The following MXRA7 variants were observed in gnomAD, a reference collection of about 807,000 sequenced individuals.
The protein encoded by MXRA7 is matrix-remodeling-associated protein 7.
A neutral mutation model predicts 17.4 loss-of-function variants in MXRA7; 18 were observed. The ratio of observed to expected loss-of-function variants is 1.03; its 90% confidence interval spans 0.71 to 1.53. The LOEUF is 1.53. Among genes scored for constraint, MXRA7 ranks in the 40% most tolerant of loss-of-function variants. The pLI is 0.00. For synonymous variants in MXRA7, 70 were observed against 101.7 expected (o/e 0.69, Z 1.87); for missense variants, 141 against 209.3 (o/e 0.67, Z 2.01).
chr17:76,707,626 C>G (rs547423658), intron 1 of MXRA7, among the ~76,000 whole-genome samples: 4 of 152,096 alleles, frequency 2.6e-5, no homozygotes, highest in Non-Finnish European at 4.4e-5. Context: ...ATGAGCAGAG[C>G]TAGGCCCCAA....
At chr17:76,686,221 G>A (rs1302219979) in intron 2 of MXRA7, among the ~76,000 whole-genome samples, 2 of 152,342 alleles carry the variant, frequency 1.3e-5, no homozygotes, top group East Asian at 1.9e-4. Flanking sequence ...GCTCATGCCT[G>A]TAATCCCAGC....
At chr17:76,676,992 A>G (rs1300353173), downstream of MXRA7, 1 of 151,982 alleles carries the variant, frequency 6.6e-6, no homozygotes, top group Non-Finnish European at 1.5e-5. Context: ...CTCGTAAGGC[A>G]GAATAAGAGT....
chr17:76,708,484 A>C (rs1016779193), intron 1 of MXRA7, among the ~76,000 whole-genome samples: 1 of 152,168 alleles, frequency 6.6e-6, no homozygotes, highest in Non-Finnish European at 1.5e-5. Flanking sequence ...TATCTTCCCC[A>C]GGGGGCCTTT....
intron 2 of MXRA7, among the ~76,000 whole-genome samples, chr17:76,686,202 G>T (rs1168386276): frequency 6.6e-6 from 1 of 152,238 alleles, no homozygotes; most frequent in African/African-American, 2.4e-5. Flanking sequence ...CATCTGGTTG[G>T]GTGTGGTGGC....
rs144842738 is a variant in MXRA7 at position 76,706,197 on chromosome 17, G to A, written c.342+4408C>T. Among the ~76,000 whole-genome samples, 433 of 104,860 alleles carry A rather than the reference G, an allele frequency of 4.1e-3. 9 individuals carry two copies. Among genetic ancestry groups the A allele is most frequent in the African/African-American group, 0.018 (310 of 17,482 alleles). 68.8% of individuals were successfully genotyped at this position (104,860 alleles called of 152,430 possible). On this transcript the variant is annotated intron_variant, in intron 1 of 3. Transcript: ENST00000449428. ...CACAGAGGCCCACGCTGCCATCACA[G>A]AGGCCCACGCTGCCATCACAAAGGC...
At chr17:76,697,864 G>A (rs955052297) in intron 1 of MXRA7, among the ~76,000 whole-genome samples, 25 of 152,108 alleles carry the variant, frequency 1.6e-4, no homozygotes, top group South Asian at 2.1e-4. Context: ...TAATTCAAGC[G>A]TGATGCAAAG....
At chr17:76,688,786 T>C in intron 1 of MXRA7, 1 of 790,488 alleles carries the variant, frequency 1.3e-6, no homozygotes. Flanking sequence ...TGTCAGAGGA[T>C]GAGAGCGACG....
chr17:76,697,210 C>T (rs909788647), intron 1 of MXRA7, among the ~76,000 whole-genome samples: 2 of 152,122 alleles, frequency 1.3e-5, no homozygotes, highest in Non-Finnish European at 2.9e-5. Flanking sequence ...AGAGGAAACT[C>T]GGACACACAC....
At chr17:76,678,776 G>A (rs916523339), downstream of MXRA7, among the ~76,000 whole-genome samples, 1 of 152,100 alleles carries the variant, frequency 6.6e-6, no homozygotes, top group East Asian at 1.9e-4. Flanking sequence ...CTCCACGTTC[G>A]CTCCCATACT....
intron 1 of MXRA7, among the ~76,000 whole-genome samples, chr17:76,702,887 A>ACGTG (rs1193131629): frequency 6.7e-6 from 1 of 149,632 alleles, no homozygotes; most frequent in African/African-American, 2.5e-5. Flanking sequence ...ATATATATAT[A>ACGTG]TATCTTGAGG....
intron 1 of MXRA7, among the ~76,000 whole-genome samples, chr17:76,691,238 G>T (rs955554960): frequency 2.6e-5 from 4 of 152,192 alleles, no homozygotes; most frequent in African/African-American, 7.2e-5. Flanking sequence ...ATTCCCGTGC[G>T]CAGGGGGTAG....
chr17:76,685,270 C>A, intron 2 of MXRA7, 105 bp from the exon 3 acceptor site: 1 of 777,492 alleles, frequency 1.3e-6, no homozygotes, highest in South Asian at 1.5e-5. Flanking sequence ...CAAGCAGAGG[C>A]CACATCTGGC....
chr17:76,701,682 G>GT (rs897180324), intron 1 of MXRA7, among the ~76,000 whole-genome samples: 1 of 152,074 alleles, frequency 6.6e-6, no homozygotes, highest in Non-Finnish European at 1.5e-5. Flanking sequence ...TATGTTGTGG[G>GT]TGGGGGGTGT....
intron 1 of MXRA7, among the ~76,000 whole-genome samples, chr17:76,691,162 G>A (rs1044928154): frequency 1.4e-4 from 22 of 152,180 alleles, no homozygotes; most frequent in African/African-American, 4.8e-4. Context: ...AATCGATGAC[G>A]CCTATGTGAT....
intron 1 of MXRA7, among the ~76,000 whole-genome samples, chr17:76,706,311 G>T (rs112056501): frequency 4.2e-5 from 2 of 47,260 alleles, no homozygotes; most frequent in Non-Finnish European, 4.8e-5. Context: ...AGAGGCCCAC[G>T]CTGCCATCAC....
At position 76,692,374 on chromosome 17, in the gene MXRA7, C is replaced by T. The variant is rs1212204527; in HGVS notation, c.343-4198G>A. 3.3e-5 allele frequency among the ~76,000 whole-genome samples: 5 copies of T among 152,104 alleles called. No homozygotes were observed. In the South Asian group the frequency reaches 1.0e-3, roughly 32 times the overall value. ...GTTCAAGCGACTCTCCTGCCTCAGC[C>T]TCCCGAGTAGCTGGGACTATGGGCA... is the stretch of plus-strand genomic sequence containing the variant. On this transcript the variant is annotated intron_variant, in intron 1 of 3. Transcript: ENST00000449428.
At chr17:76,704,974 C>T (rs770821723) in intron 1 of MXRA7, among the ~76,000 whole-genome samples, 16 of 152,006 alleles carry the variant, frequency 1.1e-4, no homozygotes, top group East Asian at 3.9e-4. Context: ...CTCTGGAAGA[C>T]GGTTTACCAG....
At chr17:76,675,972 A>G (rs933416984), downstream of MXRA7, 17 of 152,172 alleles carry the variant, frequency 1.1e-4, no homozygotes, top group Admixed American at 1.1e-3. Flanking sequence ...ATTTCTAAGA[A>G]CTTGCATAGG....
chr17:76,683,893 G>C (rs2076347934), intron 3 of MXRA7: 5 of 1,614,160 alleles, frequency 3.1e-6, no homozygotes, highest in Non-Finnish European at 4.2e-6. Flanking sequence ...TAAGGAACTT[G>C]CTACAGGGAA....
Sources: gnomAD v4.1 joint callset for allele counts (sites outside exome capture counted in the v4.1 genomes callset) on GRCh38, gnomAD v4.1.1 for gene constraint, MANE v1.5 for transcripts, NCBI Gene and HGNC (gene_info 2026-07-23, HGNC 2026-07-21) for gene names.